The following CACYBP variants were observed in gnomAD, a reference collection of about 807,000 sequenced individuals.
CACYBP encodes calcyclin binding protein, also known as calcyclin-binding protein.
In CACYBP, 11 loss-of-function variants were observed where a neutral mutation model predicts 29.6. The ratio of observed to expected loss-of-function variants is 0.37; its 90% CI spans 0.23 to 0.61. The LOEUF (loss-of-function observed/expected upper bound fraction) is 0.61. Ranked by LOEUF, CACYBP falls within the 20% of genes least tolerant of loss-of-function variation. The pLI is 0.65. For missense variants in CACYBP, 163 were observed against 260.7 expected, an observed-to-expected ratio of 0.63 and a Z score of 2.58; for synonymous variants, 73 against 88.3, an observed-to-expected ratio of 0.83 and a Z score of 0.97.
At chr1:174,999,935 G>A, upstream of CACYBP, 1 of 574,422 alleles carries the variant, frequency 1.7e-6, no homozygotes, top group Non-Finnish European at 3.0e-6. Context: ...AAGGGTGGGT[G>A]GAGCCAGGCT....
At chr1:175,002,211 C>CATCAT (rs1672510523) in intron 1 of CACYBP, among the ~76,000 whole-genome samples, 1 of 152,180 alleles carries the variant, frequency 6.6e-6, no homozygotes, top group Non-Finnish European at 1.5e-5. Context: ...AGAGTGGTTG[C>CATCAT]ATCATATTCC....
intron 1 of CACYBP, among the ~76,000 whole-genome samples, chr1:175,000,905 T>C (rs1454540323): frequency 3.3e-5 from 5 of 152,218 alleles, no homozygotes; most frequent in African/African-American, 1.2e-4. Flanking sequence ...GGAGACTTAG[T>C]TTGCTCAGTT....
chr1:174,999,653 C>T, upstream of CACYBP: 1 of 227,858 alleles, frequency 4.4e-6, no homozygotes, highest in South Asian at 4.8e-5. Flanking sequence ...AAGCAGGTGA[C>T]TCTCTAGTCA....
intron 1 of CACYBP, among the ~76,000 whole-genome samples, chr1:175,000,958 G>GT (rs1194426141): frequency 6.6e-6 from 1 of 152,210 alleles, no homozygotes; most frequent in African/African-American, 2.4e-5. Context: ...ATTTCCTGGC[G>GT]TAAGTGGGAG....
chr1:175,005,413 T>C (rs914580593), intron 2 of CACYBP, among the ~76,000 whole-genome samples: 5 of 152,184 alleles, frequency 3.3e-5, no homozygotes, highest in African/African-American at 1.2e-4. Context: ...TGAGCTCTCA[T>C]TGGAGCAAGG....
At chr1:175,006,027 CAG>C (rs1397994539) in intron 2 of CACYBP, among the ~76,000 whole-genome samples, 2 of 152,046 alleles carry the variant, frequency 1.3e-5, no homozygotes, top group East Asian at 1.9e-4. Flanking sequence ...GAGCAATAGT[CAG>C]GGATATGTAT....
chr1:175,009,782 C>T (rs1454200507), intron 5 of CACYBP, 141 bp from the exon 6 acceptor site: 15 of 578,658 alleles, frequency 2.6e-5, no homozygotes, highest in South Asian at 2.2e-4. Flanking sequence ...TGAATTTGTG[C>T]GTGCCGTTTT....
At position 175,000,129 on chromosome 1, in the gene CACYBP, G is replaced by C; in HGVS notation, c.-52G>C. On this transcript the variant is annotated 5_prime_UTR_variant, in exon 1 of 6. Transcript: ENST00000367679. ...TTGAGGGCTCGGCGCGGGGTTTCCT[G>C]TTCCTCCTTCTGCGCGGCTGCAGCT... is the stretch of plus-strand genomic sequence containing the variant. 2 of 1,582,354 alleles carry C rather than the reference G, an allele frequency of 1.3e-6. No individual in the cohort carries two copies. The highest frequency in any genetic ancestry group is 8.6e-7 in the Non-Finnish European group (1 of 1,163,790).
intron 1 of CACYBP, among the ~76,000 whole-genome samples, chr1:175,001,091 A>C (rs1470661547): frequency 2.0e-5 from 3 of 152,248 alleles, no homozygotes; most frequent in Non-Finnish European, 4.4e-5. Flanking sequence ...TTTTAAACTC[A>C]AAATCTTTTC....
At chr1:175,001,137 C>T (rs1049156742) in intron 1 of CACYBP, among the ~76,000 whole-genome samples, 1 of 152,072 alleles carries the variant, frequency 6.6e-6, no homozygotes, top group African/African-American at 2.4e-5. Context: ...TTGTGTGTTC[C>T]AGTATTAATC....
At position 175,011,779 on chromosome 1, in the gene CACYBP, G is replaced by A. The variant is rs1672763536; in HGVS notation, c.*1700G>A. 1 of 152,170 alleles carries A rather than the reference G, an allele frequency of 6.6e-6. No individual in the cohort carries two copies. Among genetic ancestry groups the A allele is most frequent in the African/African-American group, 2.4e-5 (1 of 41,436 alleles). 9.4% of individuals were successfully genotyped at this position (152,170 alleles called of 1,614,324 possible). On this transcript the variant is annotated 3_prime_UTR_variant, in exon 6 of 6. Transcript: ENST00000367679. ...GTGGAGAAATAAGGACACATATATG[G>A]GAATGGAATGCAAAAGTTAAACTTT...
At position 175,004,596 on chromosome 1, in the gene CACYBP, T is replaced by G. The variant is rs373282717; in HGVS notation, c.16-18T>G. ...TTCCTTATTTATCATAGCTAACTTA[T>G]TTTTTGTCTTAACACAGCTACAGAA... On this transcript the variant is annotated intron_variant, in intron 1 of 5. Coordinates refer to ENST00000367679, the MANE Select transcript of CACYBP (RefSeq NM_014412.3). The G allele has an allele frequency of 2.3e-4, 351 of 1,507,392 alleles. No individual in the cohort carries two copies. Among genetic ancestry groups the G allele is most frequent in the Non-Finnish European group, 2.9e-4 (323 of 1,113,678 alleles). 93.4% of individuals were successfully genotyped at this position (1,507,392 alleles called of 1,614,324 possible).
intron 1 of CACYBP, 64 bp downstream of exon 1, chr1:175,000,259 C>A: frequency 6.4e-7 from 1 of 1,553,640 alleles, no homozygotes; most frequent in Non-Finnish European, 8.7e-7. Context: ...AGCCTCCCGC[C>A]CTACCGCCGT....
In CACYBP at chr1:175,004,606, T is replaced by C; in HGVS notation, c.16-8T>C. 1 of 1,560,222 alleles carries C rather than the reference T, an allele frequency of 6.4e-7. No homozygotes were observed. The stretch of plus-strand genomic sequence containing the variant: ...ATCATAGCTAACTTATTTTTTGTCT[T>C]AACACAGCTACAGAAAGATCTAGAA... On this transcript the variant is annotated splice_polypyrimidine_tract_variant and splice_region_variant and intron_variant, in intron 1 of 5. Transcript: ENST00000367679.
Position 174,999,971 on chromosome 1 carries a change from G to C in CACYBP, c.-210G>C. 1.5e-6 allele frequency: 1 copy of C among 651,238 alleles called. No individual in the cohort carries two copies. The highest frequency in any genetic ancestry group is 2.6e-6 in the Non-Finnish European group (1 of 389,726). The allele number at this position is 651,238 out of a possible 1,614,324, so 40.3% of individuals were successfully genotyped here. On this transcript the variant is annotated 5_prime_UTR_variant, in exon 1 of 6. Transcript: ENST00000367679. The stretch of plus-strand genomic sequence containing the variant: ...TGGCGGGCTGTGCGTGCTCGCGGTG[G>C]GCGGTGGCGGCGGCTGCCTCGCGAA...
intron 2 of CACYBP, among the ~76,000 whole-genome samples, chr1:175,005,262 T>G (rs1449279782): frequency 6.6e-6 from 1 of 152,196 alleles, no homozygotes; most frequent in Non-Finnish European, 1.5e-5. Context: ...TACACAACAG[T>G]GACTAAGACC....
intron 5 of CACYBP, among the ~76,000 whole-genome samples, chr1:175,009,218 A>C (rs1672687405): frequency 1.3e-5 from 2 of 152,344 alleles, no homozygotes; most frequent in South Asian, 4.1e-4. Flanking sequence ...TAATTAAAAA[A>C]TACATGAGCT....
chr1:175,006,042 A>G (rs1009646751), intron 2 of CACYBP, among the ~76,000 whole-genome samples: 5 of 152,196 alleles, frequency 3.3e-5, no homozygotes, highest in African/African-American at 1.2e-4. Context: ...ATATGTATGT[A>G]TATATTCTTG....
intron 1 of CACYBP, among the ~76,000 whole-genome samples, chr1:175,004,281 T>A (rs1430777993): frequency 1.3e-5 from 2 of 152,134 alleles, no homozygotes; most frequent in African/African-American, 4.8e-5. Context: ...AATCTATGAA[T>A]CCTTTGTCAA....
Sources: gnomAD v4.1 joint callset for allele counts (sites outside exome capture counted in the v4.1 genomes callset) on GRCh38, gnomAD v4.1.1 for gene constraint, MANE v1.5 for transcripts, NCBI Gene and HGNC (gene_info 2026-07-23, HGNC 2026-07-21) for gene names.